Variants in STAMBPL1 observed in about 807,000 individuals in gnomAD.
The protein encoded by STAMBPL1 is AMSH-like protease.
STAMBPL1 carries 44 observed loss-of-function variants against 52.9 expected under a neutral mutation model. The ratio of observed to expected loss-of-function variants is 0.83; its 90% CI spans 0.65 to 1.07. The LOEUF (loss-of-function observed/expected upper bound fraction) is 1.07, where lower values mean the gene tolerates loss of function less well. STAMBPL1 is among the 50% of genes least tolerant of loss of function. The pLI, the probability that STAMBPL1 is intolerant of heterozygous loss-of-function variation, is 0.00. For synonymous variants in STAMBPL1, 164 were observed against 177.3 expected (o/e 0.92, Z 0.60); for missense variants, 511 against 520.8 (o/e 0.98, Z 0.18).
chr10:88,919,146 G>A (rs1250199028), intron 8 of STAMBPL1, among the ~76,000 whole-genome samples: 1 of 152,122 alleles, frequency 6.6e-6, no homozygotes, highest in Non-Finnish European at 1.5e-5. Context: ...AGACAGACAT[G>A]TATTTGACTT....
chr10:88,916,831 T>C lies in STAMBPL1; in HGVS notation c.1041+14T>C. 6.5e-7 allele frequency: 1 copy of C among 1,531,128 alleles called. No homozygotes were observed. The highest frequency in any genetic ancestry group is 2.4e-5 in the East Asian group (1 of 41,148). The allele number at this position is 1,531,128 out of a possible 1,614,324, so 94.8% of individuals were successfully genotyped here. On this transcript the variant is annotated intron_variant, in intron 8 of 10. Coordinates refer to ENST00000371926, the MANE Select transcript of STAMBPL1 (RefSeq NM_020799.4). ...GGATGGATCCATGTACGTTTGACCT[T>C]TTGGGTTTCAGTTTTTTTGTGTGTG...
chr10:88,909,298 A>G (rs922234236), intron 4 of STAMBPL1, among the ~76,000 whole-genome samples: 20 of 152,084 alleles, frequency 1.3e-4, no homozygotes, highest in African/African-American at 4.6e-4. Flanking sequence ...TTTATCATCA[A>G]TTTTTTAATG....
chr10:88,914,031 A>G (rs1746968262), intron 6 of STAMBPL1, among the ~76,000 whole-genome samples: 1 of 152,202 alleles, frequency 6.6e-6, no homozygotes, highest in South Asian at 2.1e-4. Context: ...ACTGTCAGAT[A>G]GAATTTGTGT....
chr10:88,892,353 CGTGTGTGT>C (rs5786841), intron 1 of STAMBPL1, among the ~76,000 whole-genome samples: 3 of 148,906 alleles, frequency 2.0e-5, no homozygotes, highest in East Asian at 2.0e-4. Context: ...TGTGCGTGTG[CGTGTGTGT>C]GTGTGTGTGT....
Position 88,901,676 on chromosome 10 carries a change from C to G in STAMBPL1, c.-33C>G, listed in dbSNP as rs756370895. 3 of 1,601,434 alleles carry G rather than the reference C, an allele frequency of 1.9e-6. No homozygotes were observed. The highest frequency in any genetic ancestry group is 1.7e-6 in the Non-Finnish European group (2 of 1,175,164). ...AACAGATGAAGTGATTGAGAAGAAA[C>G]AGTGAACATCCTCATTTCACAGATA... On this transcript the variant is annotated 5_prime_UTR_variant, in exon 2 of 11. Transcript: ENST00000371926.
chr10:88,911,864 G>A lies in STAMBPL1; in HGVS notation c.420+853G>A, dbSNP rs182792399. Among the ~76,000 whole-genome samples, 120 of 152,268 alleles carry A rather than the reference G, an allele frequency of 7.9e-4. 1 individual carries two copies. The highest frequency in any genetic ancestry group is 6.8e-3 in the Middle Eastern group (2 of 294). Reference sequence around the variant, plus strand: ...TAATAATGTGACTTGAAATATGAAAGATAGAAATTTTCTTGGAGGGTAAGA... The same window carrying A: ...TAATAATGTGACTTGAAATATGAAAAATAGAAATTTTCTTGGAGGGTAAGA... On this transcript the variant is annotated intron_variant, in intron 5 of 10. Transcript: ENST00000371926.
At chr10:88,895,539 C>T (rs1471408512) in intron 1 of STAMBPL1, among the ~76,000 whole-genome samples, 1 of 152,224 alleles carries the variant, frequency 6.6e-6, no homozygotes. Flanking sequence ...ACCTCTCCAA[C>T]ATTTGCTGTG....
chr10:88,901,649 GA>G lies in STAMBPL1; in HGVS notation c.-53-4del, dbSNP rs1844945652. 2 of 1,554,706 alleles carry G rather than the reference GA, an allele frequency of 1.3e-6. No individual in the cohort carries two copies. The highest frequency in any genetic ancestry group is 2.8e-5 in the African/African-American group (2 of 72,050). On this transcript the variant is annotated splice_polypyrimidine_tract_variant and splice_region_variant and intron_variant, in intron 1 of 10. Coordinates refer to ENST00000371926, the MANE Select transcript of STAMBPL1 (RefSeq NM_020799.4). ...AACTTTAGTTCTGCTTCTTGTTTTT[GA>G]AACAGATGAAGTGATTGAGAAGAAA...
chr10:88,897,784 T>C (rs1157674757), intron 1 of STAMBPL1, among the ~76,000 whole-genome samples: 2 of 152,198 alleles, frequency 1.3e-5, no homozygotes, highest in Non-Finnish European at 1.5e-5. Flanking sequence ...CCAAAGGCTG[T>C]TTGCACCGTG....
chr10:88,919,606 C>T (rs1253231178), intron 8 of STAMBPL1, among the ~76,000 whole-genome samples: 1 of 152,172 alleles, frequency 6.6e-6, no homozygotes, highest in African/African-American at 2.4e-5. Context: ...ACATAGACGG[C>T]TCTATTTTAC....
chr10:88,890,141 T>A (rs1844641704), intron 1 of STAMBPL1, among the ~76,000 whole-genome samples: 1 of 152,180 alleles, frequency 6.6e-6, no homozygotes, highest in African/African-American at 2.4e-5. Context: ...TGCATTGACT[T>A]TGCATAGTGC....
chr10:88,899,891 A>G lies in STAMBPL1; in HGVS notation c.-53-1765A>G, dbSNP rs558223994. On this transcript the variant is annotated intron_variant, in intron 1 of 10. Coordinates refer to ENST00000371926, the MANE Select transcript of STAMBPL1 (RefSeq NM_020799.4). ...CTCCCTCCCCGGCTTCACATTCCCC[A>G]TAAGCCTTTGCTCTGTCTTTTTAAC... 2.6e-4 allele frequency among the ~76,000 whole-genome samples: 39 copies of G among 152,252 alleles called. 1 individual carries two copies. The South Asian group carries it at 6.6e-3, about 26-fold the overall frequency.
intron 5 of STAMBPL1, among the ~76,000 whole-genome samples, chr10:88,911,936 T>G (rs1203767102): frequency 8.7e-6 from 1 of 115,590 alleles, no homozygotes; most frequent in East Asian, 1.9e-4. Flanking sequence ...CAAGTCTCCT[T>G]TCCACGGTCA....
chr10:88,881,295 G>C (rs923363441), intron 1 of STAMBPL1, among the ~76,000 whole-genome samples: 2 of 151,948 alleles, frequency 1.3e-5, no homozygotes, highest in African/African-American at 2.4e-5. Context: ...GATACCCCCA[G>C]AGCCTAAGGT....
chr10:88,888,416 C>G (rs1844592955), intron 1 of STAMBPL1, among the ~76,000 whole-genome samples: 1 of 152,166 alleles, frequency 6.6e-6, no homozygotes. Context: ...GTGGGTGAAG[C>G]AGGCTGGTTT....
intron 1 of STAMBPL1, among the ~76,000 whole-genome samples, chr10:88,884,830 A>G (rs1844490585): frequency 6.6e-6 from 1 of 152,244 alleles, no homozygotes; most frequent in Non-Finnish European, 1.5e-5. Context: ...TGGAAACAGG[A>G]TACTTTTTCC....
chr10:88,920,143 G>T (rs1360198974), intron 8 of STAMBPL1, among the ~76,000 whole-genome samples: 1 of 152,136 alleles, frequency 6.6e-6, no homozygotes, highest in Non-Finnish European at 1.5e-5. Flanking sequence ...GAGCCGGTAT[G>T]CCTGGCCTAA....
intron 3 of STAMBPL1, among the ~76,000 whole-genome samples, chr10:88,906,881 A>C (rs1845087871): frequency 6.6e-6 from 1 of 152,222 alleles, no homozygotes; most frequent in South Asian, 2.1e-4. Flanking sequence ...GATTATAGGC[A>C]TGAGCTACTG....
intron 1 of STAMBPL1, among the ~76,000 whole-genome samples, chr10:88,895,637 C>T (rs540501879): frequency 2.0e-5 from 3 of 152,174 alleles, no homozygotes; most frequent in Non-Finnish European, 4.4e-5. Context: ...TAGTTGAATT[C>T]TTCTGGAAAG....
Sources: allele counts gnomAD v4.1 joint callset (sites outside exome capture counted in the v4.1 genomes callset), GRCh38; gene constraint gnomAD v4.1.1; transcripts MANE v1.5; gene names NCBI Gene and HGNC (gene_info 2026-07-23, HGNC 2026-07-21).